The following LRP1B variants were observed in gnomAD, a reference collection of about 807,000 sequenced individuals.
The protein encoded by LRP1B is low-density lipoprotein receptor-related protein 1B.
A neutral mutation model predicts 556.6 loss-of-function variants in LRP1B; 217 were observed. The ratio of observed to expected loss-of-function variants is 0.39; its 90% confidence interval spans 0.35 to 0.44. The LOEUF (loss-of-function observed/expected upper bound fraction) is 0.44, where lower values mean the gene tolerates loss of function less well. LRP1B is among the 20% of genes least tolerant of loss of function. The probability of loss-of-function intolerance (pLI) is 1.00; values close to 1 mark genes in which losing one functional copy is unlikely to be tolerated. For synonymous variants in LRP1B, 2,047 were observed against 1,865.8 expected, an observed-to-expected ratio of 1.10 and a Z score of -2.50; for missense variants, 5,053 against 5,620.8, an observed-to-expected ratio of 0.90 and a Z score of 3.23.
chr2:140,610,184 ATGTGTTGTT>A (rs1483486689), intron 41 of LRP1B, among the ~76,000 whole-genome samples: 1 of 150,980 alleles, frequency 6.6e-6, no homozygotes, highest in African/African-American at 2.4e-5. Flanking sequence ...CTAAAATTTT[ATGTGTTGTT>A]TGTGTTGTTT....
chr2:140,890,193 A>ATGTT (rs377568925), intron 23 of LRP1B, among the ~76,000 whole-genome samples: 79,083 of 151,742 alleles, frequency 0.52, 22,259 homozygotes, highest in Middle Eastern at 0.66. Flanking sequence ...TTAAAAACAC[A>ATGTT]AACTGTAAGG....
chr2:141,681,242 A>G (rs1325578703), intron 2 of LRP1B, among the ~76,000 whole-genome samples: 1 of 152,084 alleles, frequency 6.6e-6, no homozygotes, highest in Admixed American at 6.6e-5. Flanking sequence ...GCTGTGAGCC[A>G]TGATCGCACT....
At chr2:140,994,250 G>A (rs982117033) in intron 15 of LRP1B, 115 bp from the exon 16 acceptor site, 2 of 832,538 alleles carry the variant, frequency 2.4e-6, no homozygotes, top group Non-Finnish European at 3.8e-6. Flanking sequence ...AGTGGGATGA[G>A]GTATTTGTCC....
chr2:140,537,503 A>C (rs988308788), intron 45 of LRP1B, among the ~76,000 whole-genome samples: 17 of 151,988 alleles, frequency 1.1e-4, no homozygotes, highest in Non-Finnish European at 2.5e-4. Context: ...AGAATTGTTA[A>C]AATAAGTCAC....
At chr2:141,364,795 G>A (rs1372435213) in intron 3 of LRP1B, among the ~76,000 whole-genome samples, 1 of 152,130 alleles carries the variant, frequency 6.6e-6, no homozygotes, top group African/African-American at 2.4e-5. Context: ...ATTTCTAAGA[G>A]TTTAAGTAAA....
rs1437640337 is a variant in LRP1B at position 141,324,131 on chromosome 2, CAT to C, written c.344-69492_344-69491del. 2.3e-3 allele frequency among the ~76,000 whole-genome samples: 342 copies of C among 149,508 alleles called. 3 individuals are homozygous for C. The highest frequency in any genetic ancestry group is 8.2e-3 in the African/African-American group (335 of 40,636). ...CAAAGAAATCACACACACACACACA[CAT>C]ACACACCTGAACAAGGAAACCACAC... On this transcript the variant is annotated intron_variant, in intron 3 of 90. Coordinates refer to ENST00000389484, the MANE Select transcript of LRP1B (RefSeq NM_018557.3).
chr2:141,087,665 C>T (rs763386034), intron 7 of LRP1B, among the ~76,000 whole-genome samples: 12 of 152,188 alleles, frequency 7.9e-5, no homozygotes, highest in Middle Eastern at 3.4e-3. Flanking sequence ...TGGCTCTAAA[C>T]GGGAGATTCC....
At chr2:141,851,366 C>G (rs1697849629) in intron 1 of LRP1B, among the ~76,000 whole-genome samples, 2 of 151,772 alleles carry the variant, frequency 1.3e-5, no homozygotes, top group Non-Finnish European at 2.9e-5. Flanking sequence ...CTCCCTTTCT[C>G]TAAATTCAGT....
intron 25 of LRP1B, among the ~76,000 whole-genome samples, chr2:140,876,993 T>A (rs1458590642): frequency 6.6e-6 from 1 of 152,196 alleles, no homozygotes; most frequent in Admixed American, 6.5e-5. Flanking sequence ...TATTGTTTTC[T>A]ACCATTTGGA....
At chr2:142,089,189 T>C (rs947624026) in intron 1 of LRP1B, among the ~76,000 whole-genome samples, 4 of 148,344 alleles carry the variant, frequency 2.7e-5, no homozygotes, top group Non-Finnish European at 4.4e-5. Context: ...ACCTAAATGA[T>C]AGTTATTCAA....
chr2:140,764,133 A>T (rs1689020930), intron 35 of LRP1B, among the ~76,000 whole-genome samples: 1 of 152,174 alleles, frequency 6.6e-6, no homozygotes, highest in African/African-American at 2.4e-5. Flanking sequence ...AAAATTTTGT[A>T]AATAGTTTCT....
intron 82 of LRP1B, among the ~76,000 whole-genome samples, chr2:140,318,402 C>T (rs1229096546): frequency 6.6e-6 from 1 of 151,948 alleles, no homozygotes; most frequent in Non-Finnish European, 1.5e-5. Flanking sequence ...AAGAGCAAAA[C>T]ACATCTCCAA....
At chr2:141,025,978 C>T (rs1698206466) in intron 11 of LRP1B, among the ~76,000 whole-genome samples, 1 of 152,020 alleles carries the variant, frequency 6.6e-6, no homozygotes, top group Middle Eastern at 3.2e-3. Flanking sequence ...GTACAATATT[C>T]CACTAAAATT....
intron 52 of LRP1B, among the ~76,000 whole-genome samples, chr2:140,509,598 C>T (rs539347672): frequency 1.4e-4 from 22 of 152,132 alleles, no homozygotes; most frequent in Admixed American, 4.6e-4. Flanking sequence ...TGGTGGTGGA[C>T]GACGCAAAAG....
intron 3 of LRP1B, among the ~76,000 whole-genome samples, chr2:141,318,718 C>T (rs1445525933): frequency 6.6e-6 from 1 of 152,034 alleles, no homozygotes; most frequent in Non-Finnish European, 1.5e-5. Flanking sequence ...AGGGAGGAAC[C>T]CTGGGCTTGC....
chr2:141,675,070 T>C (rs1690824399), intron 2 of LRP1B, among the ~76,000 whole-genome samples: 3 of 151,964 alleles, frequency 2.0e-5, no homozygotes. Context: ...GAATTGTTGT[T>C]CTTATATTTT....
Position 140,501,827 on chromosome 2 carries a change from T to C in LRP1B, c.8710A>G (p.Ile2904Val), listed in dbSNP as rs756513225. 2.5e-6 allele frequency: 4 copies of C among 1,610,338 alleles called. No homozygotes were observed. Among genetic ancestry groups the C allele is most frequent in the Non-Finnish European group, 3.4e-6 (4 of 1,177,932 alleles). ...TTGTCGCAAAGACCTCCACTGGGAATGCACCTGCCATTTTTGCACATAAAA... is the reference window on the plus strand; with the variant it reads ...TTGTCGCAAAGACCTCCACTGGGAACGCACCTGCCATTTTTGCACATAAAA... ...SFFMCKNGRC[I>V]PSGGLCDNKD... is the part of the protein sequence containing the mutation. The change falls in exon 55 of 91, where the codon ATT becomes GTT. Residue 2904 changes from isoleucine to valine, a missense_variant. Transcript: ENST00000389484.
At chr2:141,914,222 T>G (rs1574488121) in intron 1 of LRP1B, among the ~76,000 whole-genome samples, 1 of 152,222 alleles carries the variant, frequency 6.6e-6, no homozygotes, top group East Asian at 1.9e-4. Flanking sequence ...CCTAAATTAA[T>G]AGATAAAAGG....
At chr2:141,219,483 G>T (rs766474357) in intron 6 of LRP1B, among the ~76,000 whole-genome samples, 1 of 152,196 alleles carries the variant, frequency 6.6e-6, no homozygotes, top group African/African-American at 2.4e-5. Context: ...AGGTGTGACC[G>T]TGATCTTGAA....
Sources: allele counts gnomAD v4.1 joint callset (sites outside exome capture counted in the v4.1 genomes callset), GRCh38; gene constraint gnomAD v4.1.1; transcripts MANE v1.5; gene names NCBI Gene and HGNC (gene_info 2026-07-23, HGNC 2026-07-21).